WDR70: variants seen among roughly 807,000 people sequenced by gnomAD.
WDR70 encodes WD repeat domain 70.
In WDR70, 53 loss-of-function variants were observed where a neutral mutation model predicts 88.6. The observed-to-expected ratio is 0.60, with a 90% CI of 0.48 to 0.75. The LOEUF is 0.75. WDR70 is among the 30% of genes least tolerant of loss of function. The pLI is 0.00. For synonymous variants in WDR70, 280 were observed against 270.0 expected (o/e 1.04, Z -0.36); for missense variants, 610 against 823.2 (o/e 0.74, Z 3.17).
At chr5:37,751,613 C>A (rs1364827569) in intron 17 of WDR70, among the ~76,000 whole-genome samples, 2 of 152,164 alleles carry the variant, frequency 1.3e-5, no homozygotes, top group Admixed American at 1.3e-4. Context: ...TCTGGAATTA[C>A]GTGGATATAA....
intron 5 of WDR70, among the ~76,000 whole-genome samples, chr5:37,405,604 A>C (rs1416995322): frequency 6.6e-6 from 1 of 152,124 alleles, no homozygotes; most frequent in African/African-American, 2.4e-5. Flanking sequence ...TAAACAGTTA[A>C]TTGTCCCTCA....
At chr5:37,579,343 T>C (rs1023442649) in intron 9 of WDR70, among the ~76,000 whole-genome samples, 3 of 152,118 alleles carry the variant, frequency 2.0e-5, no homozygotes, top group African/African-American at 7.2e-5. Flanking sequence ...CCCAGCACTT[T>C]GAGAGGCTGA....
At chr5:37,554,802 G>A (rs1742252666) in intron 9 of WDR70, among the ~76,000 whole-genome samples, 1 of 151,974 alleles carries the variant, frequency 6.6e-6, no homozygotes, top group South Asian at 2.1e-4. Flanking sequence ...AAACTCCTGG[G>A]CTTACATGAC....
intron 9 of WDR70, among the ~76,000 whole-genome samples, chr5:37,520,672 G>T (rs1741057539): frequency 6.6e-6 from 1 of 152,154 alleles, no homozygotes; most frequent in East Asian, 1.9e-4. Flanking sequence ...ATGAATGAAA[G>T]GTTAAAATCA....
chr5:37,631,539 T>C lies in WDR70; in HGVS notation c.1092+26301T>C, dbSNP rs367794245. On this transcript the variant is annotated intron_variant, in intron 10 of 17. Transcript: ENST00000265107. ...TGCTTTTCAATGTACTAGCTCATTT[T>C]ATAGTTATATGAGGTTAGTGTTTTT... Among the ~76,000 whole-genome samples the C allele has an allele frequency of 1.4e-4, 21 of 152,240 alleles. No individual in the cohort carries two copies. In the East Asian group the frequency reaches 1.5e-3, roughly 11 times the overall value.
chr5:37,467,966 G>A (rs1238745430), intron 7 of WDR70, among the ~76,000 whole-genome samples: 1 of 151,874 alleles, frequency 6.6e-6, no homozygotes, highest in African/African-American at 2.4e-5. Flanking sequence ...TGCCCGCCTC[G>A]GCCTCCCAAA....
intron 9 of WDR70, among the ~76,000 whole-genome samples, chr5:37,533,457 TCACCACCACCACCACCACCACCAC>T (rs35578229): frequency 2.8e-5 from 4 of 141,278 alleles, no homozygotes; most frequent in South Asian, 4.8e-4. Flanking sequence ...AACAAAACAA[TCACCACCACCACCACCACCACCAC>T]CACCACCACC....
Position 37,516,591 on chromosome 5 carries a change from G to A in WDR70, c.917+1G>A, listed in dbSNP as rs753882733. The stretch of plus-strand genomic sequence containing the variant: ...AATTTATGACTTGCTCAAATGATGC[G>A]TGAGTATTGTTGATAATTCATCTAA... On this transcript the variant is annotated splice_donor_variant, in intron 9 of 17. Transcript: ENST00000265107. LOFTEE classifies it high-confidence loss of function. 1.1e-4 allele frequency: 179 copies of A among 1,593,986 alleles called. No individual in the cohort carries two copies. The highest frequency in any genetic ancestry group is 1.5e-4 in the Non-Finnish European group (169 of 1,164,418).
chr5:37,478,844 C>T (rs1234507254), intron 7 of WDR70, among the ~76,000 whole-genome samples: 1 of 152,158 alleles, frequency 6.6e-6, no homozygotes, highest in Non-Finnish European at 1.5e-5. Flanking sequence ...AGAATGAGCA[C>T]TTCACTTTTG....
chr5:37,488,655 T>G (rs1193408750), intron 8 of WDR70, among the ~76,000 whole-genome samples: 1 of 152,140 alleles, frequency 6.6e-6, no homozygotes, highest in Non-Finnish European at 1.5e-5. Flanking sequence ...TTTTTGTAAT[T>G]TATTTATCTT....
chr5:37,470,381 A>C (rs1329872364), intron 7 of WDR70, among the ~76,000 whole-genome samples: 1 of 152,152 alleles, frequency 6.6e-6, no homozygotes, highest in East Asian at 1.9e-4. Context: ...AGAAAATTAC[A>C]ATACTACTAA....
At chr5:37,435,005 T>C (rs549799910) in intron 5 of WDR70, among the ~76,000 whole-genome samples, 57 of 152,210 alleles carry the variant, frequency 3.7e-4, no homozygotes, top group Non-Finnish European at 6.6e-4. Context: ...TGCTACTATT[T>C]TAGATGATTT....
At chr5:37,494,447 C>T (rs1051824933) in intron 8 of WDR70, among the ~76,000 whole-genome samples, 2 of 152,108 alleles carry the variant, frequency 1.3e-5, no homozygotes, top group African/African-American at 2.4e-5. Context: ...GGATGGACTA[C>T]GGTGACTGTG....
At chr5:37,745,283 A>G (rs1748602833) in intron 17 of WDR70, among the ~76,000 whole-genome samples, 1 of 151,908 alleles carries the variant, frequency 6.6e-6, no homozygotes, top group African/African-American at 2.4e-5. Context: ...GAAGCACTAA[A>G]TATGGAAAGG....
chr5:37,399,968 T>C (rs1420347494), intron 5 of WDR70, among the ~76,000 whole-genome samples: 2 of 152,326 alleles, frequency 1.3e-5, no homozygotes, highest in South Asian at 2.1e-4. Context: ...AGTCTCACTC[T>C]GTTGCCCAGG....
chr5:37,443,885 A>G (rs1445979839), intron 7 of WDR70, among the ~76,000 whole-genome samples: 1 of 152,126 alleles, frequency 6.6e-6, no homozygotes, highest in African/African-American at 2.4e-5. Flanking sequence ...ACAGTGGCGC[A>G]TGCCTGTAGT....
chr5:37,688,655 T>C (rs1313378873), intron 10 of WDR70, among the ~76,000 whole-genome samples: 1 of 137,530 alleles, frequency 7.3e-6, no homozygotes, highest in Non-Finnish European at 1.6e-5. Flanking sequence ...AGGAACAGAA[T>C]ATTCCCAGTC....
chr5:37,422,294 C>CATT (rs34960512), intron 5 of WDR70, among the ~76,000 whole-genome samples: 3 of 145,784 alleles, frequency 2.1e-5, no homozygotes, highest in African/African-American at 2.6e-5. Context: ...TTCCTTTTTT[C>CATT]TTTTTTTTTT....
chr5:37,505,648 T>A, intron 8 of WDR70: 4 of 789,382 alleles, frequency 5.1e-6, no homozygotes, highest in Non-Finnish European at 9.3e-6. Context: ...ATAAGGAAAA[T>A]GTTTTCATCT....
Sources: allele counts gnomAD v4.1 joint callset (sites outside exome capture counted in the v4.1 genomes callset), GRCh38; gene constraint gnomAD v4.1.1; transcripts MANE v1.5; gene names NCBI Gene and HGNC (gene_info 2026-07-23, HGNC 2026-07-21).